UBE2V2: variants seen among roughly 807,000 people sequenced by gnomAD.
UBE2V2 encodes ubiquitin-conjugating enzyme E2 variant 2.
UBE2V2 carries 9 observed loss-of-function variants against 17.2 expected under a neutral mutation model. The observed-to-expected ratio is 0.52, with a 90% CI of 0.32 to 0.91. The LOEUF is 0.91. Ranked by LOEUF, UBE2V2 falls within the 40% of genes least tolerant of loss-of-function variation. UBE2V2 has a pLI of 0.04. For synonymous variants in UBE2V2, 61 were observed against 57.5 expected (o/e 1.06, Z -0.28); for missense variants, 133 against 182.6 (o/e 0.73, Z 1.56).
the UBE2V2 span, among the ~76,000 whole-genome samples, chr8:48,000,689 G>C: frequency 6.6e-6 from 1 of 152,050 alleles, no homozygotes; most frequent in African/African-American, 2.4e-5. Context: ...GGGTATGGAG[G>C]CGGGCACCTG....
Position 48,029,117 on chromosome 8 carries a change from C to T in UBE2V2, c.17-13916C>T, listed in dbSNP as rs2091366465. Among the ~76,000 whole-genome samples the T allele has an allele frequency of 3.9e-5, 6 of 152,066 alleles. No individual in the cohort carries two copies. The South Asian group carries it at 1.2e-3, about 32-fold the overall frequency. On this transcript the variant is annotated intron_variant, in intron 1 of 3. Coordinates refer to ENST00000523111, the MANE Select transcript of UBE2V2 (RefSeq NM_003350.3). ...CCAAGGTAGGCAGATCACTTGAGGTCAGGAGTTTGAGAGCAGCCTGGGCAA... is the reference window on the plus strand; with the variant it reads ...CCAAGGTAGGCAGATCACTTGAGGTTAGGAGTTTGAGAGCAGCCTGGGCAA...
chr8:47,999,362 C>CTT, the UBE2V2 span, among the ~76,000 whole-genome samples: 4 of 145,346 alleles, frequency 2.8e-5, no homozygotes, highest in Non-Finnish European at 4.6e-5. Flanking sequence ...TAGACTTCCC[C>CTT]TTTTTTTTTT....
chr8:48,056,462 G>A (rs527497387), intron 3 of UBE2V2, among the ~76,000 whole-genome samples: 1 of 152,232 alleles, frequency 6.6e-6, no homozygotes, highest in East Asian at 1.9e-4. Flanking sequence ...ATCTTACATT[G>A]CTACCACTAG....
intron 2 of UBE2V2, among the ~76,000 whole-genome samples, chr8:48,047,078 A>G (rs542549122): frequency 6.6e-6 from 1 of 151,380 alleles, no homozygotes; most frequent in Non-Finnish European, 1.5e-5. Context: ...AGTAGCTGGG[A>G]TTACAGGCAT....
Position 48,040,112 on chromosome 8 carries a change from C to T in UBE2V2, c.17-2921C>T, listed in dbSNP as rs188373884. Reference sequence around the variant, plus strand: ...GTTAACATAAGTAGTACGAAGGATTCCCATATACCTTCATGCAGATCCATC... The same window carrying T: ...GTTAACATAAGTAGTACGAAGGATTTCCATATACCTTCATGCAGATCCATC... On this transcript the variant is annotated intron_variant, in intron 1 of 3. Coordinates refer to ENST00000523111, the MANE Select transcript of UBE2V2 (RefSeq NM_003350.3). 5.7e-3 allele frequency among the ~76,000 whole-genome samples: 864 copies of T among 150,608 alleles called. 8 individuals carry two copies. Among genetic ancestry groups the T allele is most frequent in the Non-Finnish European group, 8.9e-3 (601 of 67,798 alleles).
intron 3 of UBE2V2, among the ~76,000 whole-genome samples, chr8:48,055,430 A>ACC (rs2091565388): frequency 1.3e-5 from 2 of 151,836 alleles, no homozygotes; most frequent in Admixed American, 6.6e-5. Flanking sequence ...TGAACTCCTG[A>ACC]TTTCAGGCGA....
At chr8:48,042,392 A>G (rs1270776768) in intron 1 of UBE2V2, 1 of 152,184 alleles carries the variant, frequency 6.6e-6, no homozygotes, top group African/African-American at 2.4e-5. Context: ...ACTGAAAGCC[A>G]AGTCAGTTGT....
In UBE2V2 at chr8:48,018,763, A is replaced by C. The variant is rs575497197; in HGVS notation, c.16+10293A>C. On this transcript the variant is annotated intron_variant, in intron 1 of 3. Transcript: ENST00000523111. ...TAATTGTGAGGTGTGAAAATCTCCT[A>C]CTGTTACTGTAGTACAACCTATCTT... 2.0e-5 allele frequency among the ~76,000 whole-genome samples: 3 copies of C among 152,292 alleles called. No individual in the cohort carries two copies. In the South Asian group the frequency reaches 6.2e-4, roughly 32 times the overall value.
intron 1 of UBE2V2, among the ~76,000 whole-genome samples, chr8:48,029,043 G>C (rs1207265099): frequency 6.6e-6 from 1 of 151,928 alleles, no homozygotes; most frequent in Non-Finnish European, 1.5e-5. Flanking sequence ...TCATCTAGCT[G>C]GTACTTTGTT....
At chr8:48,028,428 T>C (rs1463439823) in intron 1 of UBE2V2, among the ~76,000 whole-genome samples, 1 of 150,598 alleles carries the variant, frequency 6.6e-6, no homozygotes, top group Non-Finnish European at 1.5e-5. Context: ...AACCTCTGCC[T>C]CCTGAGTTCA....
chr8:48,004,857 C>T (rs1177518889), upstream of UBE2V2, among the ~76,000 whole-genome samples: 1 of 151,518 alleles, frequency 6.6e-6, no homozygotes, highest in African/African-American at 2.4e-5. Context: ...AAGACAGTGT[C>T]TCATTCTGTT....
At chr8:48,035,055 T>C in intron 1 of UBE2V2, 1 of 985,110 alleles carries the variant, frequency 1.0e-6, no homozygotes, top group Non-Finnish European at 1.2e-6. Context: ...AGCATTCCTC[T>C]TACAAGGTGA....
At chr8:48,005,695 T>C (rs1292191593), upstream of UBE2V2, among the ~76,000 whole-genome samples, 1 of 152,228 alleles carries the variant, frequency 6.6e-6, no homozygotes, top group African/African-American at 2.4e-5. Context: ...TTCCTGACTT[T>C]TTAATGATCA....
the UBE2V2 span, among the ~76,000 whole-genome samples, chr8:47,997,609 G>C: frequency 2.0e-4 from 31 of 152,208 alleles, 1 homozygote; most frequent in East Asian, 1.9e-4. Flanking sequence ...GGGATGGGAG[G>C]ACAAGGACCC....
intron 1 of UBE2V2, among the ~76,000 whole-genome samples, chr8:48,012,665 C>A (rs1014234437): frequency 6.6e-6 from 1 of 151,482 alleles, no homozygotes; most frequent in Admixed American, 6.6e-5. Context: ...TTGTGGTGAG[C>A]CGAGAGCACG....
intron 1 of UBE2V2, 198 bp downstream of exon 1, chr8:48,008,668 T>C (rs1589846514): frequency 1.6e-6 from 1 of 634,894 alleles, no homozygotes; most frequent in East Asian, 5.4e-5. Flanking sequence ...TGGCGGGTCG[T>C]GCTCGCGCGT....
At position 48,049,156 on chromosome 8, in the gene UBE2V2, G is replaced by A. The variant is rs138534610; in HGVS notation, c.166-697G>A. Among the ~76,000 whole-genome samples the A allele has an allele frequency of 6.1e-3, 935 of 152,190 alleles. 12 individuals are homozygous for A. Among genetic ancestry groups the A allele is most frequent in the African/African-American group, 0.022 (905 of 41,528 alleles). ...ATGTGTAAACATAAAGTTTGCCATT[G>A]TATCTCTGAATTCAGATAATGGGAT... On this transcript the variant is annotated intron_variant, in intron 2 of 3. Coordinates refer to ENST00000523111, the MANE Select transcript of UBE2V2 (RefSeq NM_003350.3).
At chr8:48,007,189 A>G (rs1451110810), upstream of UBE2V2, among the ~76,000 whole-genome samples, 1 of 151,944 alleles carries the variant, frequency 6.6e-6, no homozygotes, top group Non-Finnish European at 1.5e-5. Flanking sequence ...ATTCCCTTTG[A>G]AAGCCGGCAC....
At chr8:48,049,699 T>C (rs2091522181) in intron 2 of UBE2V2, 154 bp from the exon 3 acceptor site, 1 of 612,588 alleles carries the variant, frequency 1.6e-6, no homozygotes, top group Non-Finnish European at 2.6e-6. Context: ...ACCATATAGG[T>C]GAAATAAATT....
Sources: gnomAD v4.1 joint callset for allele counts (sites outside exome capture counted in the v4.1 genomes callset) on GRCh38, gnomAD v4.1.1 for gene constraint, MANE v1.5 for transcripts, NCBI Gene and HGNC (gene_info 2026-07-23, HGNC 2026-07-21) for gene names.